The following KCTD1 variants were observed in gnomAD, a reference collection of about 807,000 sequenced individuals.
The protein encoded by KCTD1 is potassium channel tetramerization domain containing 1, also known as BTB/POZ domain-containing protein KCTD1.
In KCTD1, 24 loss-of-function variants were observed where a neutral mutation model predicts 66.0. The ratio of observed to expected loss-of-function variants is 0.36; its 90% CI spans 0.26 to 0.51. KCTD1 has a LOEUF of 0.51. KCTD1 is among the 20% of genes least tolerant of loss of function. KCTD1 has a pLI of 0.95. For synonymous variants in KCTD1, 511 were observed against 517.2 expected (o/e 0.99, Z 0.16); for missense variants, 943 against 1,205.2 (o/e 0.78, Z 3.22).
chr18:26,548,689 T>G, upstream of KCTD1: 1 of 789,794 alleles, frequency 1.3e-6, no homozygotes, highest in Non-Finnish European at 1.5e-6. Context: ...CGAGCGCAGC[T>G]CCGGAGGGGC....
intron 1 of KCTD1, among the ~76,000 whole-genome samples, chr18:26,619,237 C>A (rs985594754): frequency 2.6e-5 from 4 of 152,226 alleles, no homozygotes; most frequent in African/African-American, 7.2e-5. Flanking sequence ...TATACCCACT[C>A]CATACTTCCT....
chr18:26,541,395 A>C (rs2068021193), intron 1 of KCTD1, among the ~76,000 whole-genome samples: 1 of 152,222 alleles, frequency 6.6e-6, no homozygotes. Context: ...TTCACTTACG[A>C]TACTGTAAGA....
At chr18:26,549,683 TGCC>T (rs145505169), upstream of KCTD1, 344 of 979,892 alleles carry the variant, frequency 3.5e-4, no homozygotes, top group African/African-American at 5.7e-3. Context: ...CGGCCGACCC[TGCC>T]GCAGCCACAA....
chr18:26,610,144 C>G (rs764548900), intron 1 of KCTD1, among the ~76,000 whole-genome samples: 9 of 152,206 alleles, frequency 5.9e-5, no homozygotes, highest in Admixed American at 2.0e-4. Context: ...TGTAAGTCCA[C>G]TTTGAGTTAC....
rs1985325962 is a variant in KCTD1, at chr18:26,547,826, G to A, written c.711C>T (p.Arg237=). ...SLISIRSSLN[R]YLNEPPYCRT... is the part of the protein sequence containing the mutation. ...GGCAGTACGGGGGCTCATTGAGGTA[G>A]CGGTTGAGGGAGCTGCGGATGCTGA... The change falls in exon 1 of 5, where the codon CGC becomes CGT. Residue 237 remains arginine, a synonymous_variant. Transcript: ENST00000580059. 1.0e-5 allele frequency: 16 copies of A among 1,540,832 alleles called. No homozygotes were observed. The highest frequency in any genetic ancestry group is 1.4e-5 in the Non-Finnish European group (16 of 1,146,822).
intron 1 of KCTD1, among the ~76,000 whole-genome samples, chr18:26,542,131 T>C (rs1008427004): frequency 6.6e-6 from 1 of 152,186 alleles, no homozygotes; most frequent in Non-Finnish European, 1.5e-5. Flanking sequence ...GATGCTCAGT[T>C]AACAGTGGAT....
At chr18:26,553,953 G>A (rs554310517) in intron 1 of KCTD1, among the ~76,000 whole-genome samples, 2 of 147,412 alleles carry the variant, frequency 1.4e-5, no homozygotes, top group African/African-American at 5.0e-5. Context: ...AGGAACCAAA[G>A]AATGAAGAGA....
At chr18:26,614,889 G>T (rs1987215992) in intron 1 of KCTD1, among the ~76,000 whole-genome samples, 1 of 152,086 alleles carries the variant, frequency 6.6e-6, no homozygotes, top group Non-Finnish European at 1.5e-5. Context: ...TGGCACAAGT[G>T]TAAGAATACT....
At chr18:26,514,052 T>C (rs9965531) in intron 1 of KCTD1, among the ~76,000 whole-genome samples, 70,217 of 152,068 alleles carry the variant, frequency 0.46, 16,705 homozygotes, top group African/African-American at 0.59. Context: ...GTCATTTTAT[T>C]GGAGTATCAT....
At chr18:26,493,408 G>T (rs1401197962) in intron 2 of KCTD1, among the ~76,000 whole-genome samples, 1 of 109,712 alleles carries the variant, frequency 9.1e-6, no homozygotes, top group Non-Finnish European at 2.3e-5. Context: ...TATTTTTTGG[G>T]GGGAAAAACA....
At chr18:26,600,863 G>A (rs1477889099) in intron 1 of KCTD1, among the ~76,000 whole-genome samples, 1 of 151,980 alleles carries the variant, frequency 6.6e-6, no homozygotes, top group Non-Finnish European at 1.5e-5. Flanking sequence ...GTGTCCCTCT[G>A]CCCCCTTCCA....
chr18:26,461,017 C>A (rs1390374140), intron 3 of KCTD1: 1 of 152,242 alleles, frequency 6.6e-6, no homozygotes, highest in Non-Finnish European at 1.5e-5. Flanking sequence ...TGGGCAAGAG[C>A]TGGCAGGGGA....
At chr18:26,513,334 A>C (rs557259946) in intron 1 of KCTD1, among the ~76,000 whole-genome samples, 7 of 152,010 alleles carry the variant, frequency 4.6e-5, no homozygotes, top group African/African-American at 1.7e-4. Context: ...TGATCTGCCC[A>C]CTTCGGCCTC....
chr18:26,594,412 G>T (rs1986720352), intron 1 of KCTD1, among the ~76,000 whole-genome samples: 1 of 152,094 alleles, frequency 6.6e-6, no homozygotes, highest in Non-Finnish European at 1.5e-5. Flanking sequence ...GATTTTTGTT[G>T]GGTCTCCTTA....
intron 1 of KCTD1, among the ~76,000 whole-genome samples, chr18:26,653,578 C>T (rs986062044): frequency 6.6e-6 from 1 of 152,242 alleles, no homozygotes; most frequent in South Asian, 2.1e-4. Flanking sequence ...GCTCTGAATG[C>T]TTTTTCTCAC....
upstream of KCTD1, among the ~76,000 whole-genome samples, chr18:26,552,998 T>C (rs1985613877): frequency 1.3e-5 from 2 of 151,114 alleles, 1 homozygote; most frequent in South Asian, 4.2e-4. Context: ...TTTTTTTTTT[T>C]TTTTTCTTTT....
chr18:26,529,859 C>T (rs1421088506), intron 1 of KCTD1, among the ~76,000 whole-genome samples: 1 of 152,214 alleles, frequency 6.6e-6, no homozygotes, highest in Non-Finnish European at 1.5e-5. Flanking sequence ...GGATTAGTGA[C>T]AATAGTCACT....
intron 2 of KCTD1, among the ~76,000 whole-genome samples, chr18:26,495,285 A>T (rs1248712308): frequency 6.6e-6 from 1 of 152,210 alleles, no homozygotes; most frequent in East Asian, 1.9e-4. Context: ...GGCATACAAC[A>T]GTTACAAGGA....
chr18:26,613,656 C>A (rs1315394601), intron 1 of KCTD1, among the ~76,000 whole-genome samples: 2 of 152,204 alleles, frequency 1.3e-5, no homozygotes, highest in African/African-American at 4.8e-5. Flanking sequence ...CAAGTATAAG[C>A]TTTATAAATT....
Sources: allele counts gnomAD v4.1 joint callset (sites outside exome capture counted in the v4.1 genomes callset), GRCh38; gene constraint gnomAD v4.1.1; transcripts MANE v1.5; gene names NCBI Gene and HGNC (gene_info 2026-07-23, HGNC 2026-07-21).